The following PTPRT variants were observed in gnomAD, a reference collection of about 807,000 sequenced individuals.
The protein encoded by PTPRT is protein tyrosine phosphatase receptor type T, also known as receptor-type tyrosine-protein phosphatase T.
A neutral mutation model predicts 176.8 loss-of-function variants in PTPRT; 56 were observed. The observed-to-expected ratio is 0.32, with a 90% CI of 0.26 to 0.40. PTPRT has a LOEUF of 0.40. Ranked by LOEUF, PTPRT falls within the 10% of genes least tolerant of loss-of-function variation. The probability of loss-of-function intolerance (pLI) is 1.00; values close to 1 mark genes in which losing one functional copy is unlikely to be tolerated. For synonymous variants in PTPRT, 783 were observed against 739.0 expected (o/e 1.06, Z -0.96); for missense variants, 1,540 against 1,908.2 (o/e 0.81, Z 3.60).
intron 16 of PTPRT, among the ~76,000 whole-genome samples, chr20:42,171,117 G>A (rs552401368): frequency 1.4e-4 from 22 of 152,240 alleles, no homozygotes; most frequent in Admixed American, 4.6e-4. Context: ...TTTCATTTGC[G>A]AAGCTACAGA....
intron 7 of PTPRT, among the ~76,000 whole-genome samples, chr20:42,611,628 G>T (rs534991114): frequency 6.4e-4 from 98 of 152,276 alleles, no homozygotes; most frequent in Non-Finnish European, 1.1e-3. Context: ...TGTGTTCCAC[G>T]TGTGACTCAT....
intron 1 of PTPRT, among the ~76,000 whole-genome samples, chr20:42,964,557 T>C (rs1339140785): frequency 1.3e-5 from 2 of 152,136 alleles, no homozygotes; most frequent in African/African-American, 2.4e-5. Context: ...AGTTTGAGAA[T>C]TTAATACAAC....
At chr20:42,505,286 C>G (rs1053103090) in intron 7 of PTPRT, among the ~76,000 whole-genome samples, 1 of 152,104 alleles carries the variant, frequency 6.6e-6, no homozygotes, top group African/African-American at 2.4e-5. Flanking sequence ...AAGTTCAGAG[C>G]TACTCCTGTC....
intron 7 of PTPRT, among the ~76,000 whole-genome samples, chr20:42,601,253 G>C (rs7274201): frequency 0.25 from 38,025 of 152,110 alleles, 5,140 homozygotes; most frequent in Non-Finnish European, 0.3. Flanking sequence ...CTTCTCTGCT[G>C]CATCTCCAAC....
chr20:43,022,628 C>G (rs1342113956), intron 1 of PTPRT, among the ~76,000 whole-genome samples: 2 of 152,130 alleles, frequency 1.3e-5, no homozygotes, highest in Non-Finnish European at 2.9e-5. Context: ...AGAGGAGAGT[C>G]TCTCCCAGAA....
At chr20:42,339,449 A>G (rs1027698174) in intron 11 of PTPRT, among the ~76,000 whole-genome samples, 4 of 152,208 alleles carry the variant, frequency 2.6e-5, no homozygotes, top group African/African-American at 9.6e-5. Context: ...TGAGAGATCC[A>G]AAAGCTGTAA....
intron 7 of PTPRT, among the ~76,000 whole-genome samples, chr20:42,648,176 T>C (rs1600544512): frequency 1.3e-5 from 2 of 152,106 alleles, no homozygotes; most frequent in African/African-American, 4.8e-5. Context: ...TTATTGGCTG[T>C]CATATTGAAG....
chr20:42,620,857 A>G (rs1017483733), intron 7 of PTPRT, among the ~76,000 whole-genome samples: 8 of 152,134 alleles, frequency 5.3e-5, no homozygotes, highest in Non-Finnish European at 8.8e-5. Context: ...CCCTAGTGAG[A>G]TAAACCCGGT....
intron 6 of PTPRT, among the ~76,000 whole-genome samples, chr20:42,747,295 A>G (rs1211466460): frequency 6.6e-6 from 1 of 152,018 alleles, no homozygotes; most frequent in African/African-American, 2.4e-5. Context: ...GGACCTGAGC[A>G]CTCTTCCCTG....
intron 9 of PTPRT, among the ~76,000 whole-genome samples, chr20:42,374,914 A>G (rs1352079939): frequency 1.3e-5 from 2 of 152,214 alleles, no homozygotes; most frequent in Non-Finnish European, 2.9e-5. Flanking sequence ...AGCAAAACAA[A>G]ACCAATAACC....
At chr20:42,833,460 T>C (rs1043861859) in intron 2 of PTPRT, among the ~76,000 whole-genome samples, 1 of 151,536 alleles carries the variant, frequency 6.6e-6, no homozygotes, top group Non-Finnish European at 1.5e-5. Context: ...GTGCCTATAG[T>C]CTCAGCTACT....
intron 6 of PTPRT, among the ~76,000 whole-genome samples, chr20:42,736,571 A>G (rs1004944292): frequency 2.0e-5 from 3 of 152,318 alleles, no homozygotes; most frequent in Middle Eastern, 3.4e-3. Context: ...TTTGCTATAC[A>G]TGTGTAGTTT....
At chr20:42,609,104 CCTT>C (rs1047295509) in intron 7 of PTPRT, among the ~76,000 whole-genome samples, 17 of 152,060 alleles carry the variant, frequency 1.1e-4, no homozygotes, top group African/African-American at 4.1e-4. Context: ...GACAGAGTCT[CCTT>C]CTGTCACCCA....
At chr20:42,497,606 G>A (rs1020971777) in intron 7 of PTPRT, among the ~76,000 whole-genome samples, 3 of 151,916 alleles carry the variant, frequency 2.0e-5, no homozygotes, top group South Asian at 2.1e-4. Flanking sequence ...TTTTTTAAAC[G>A]AAATCTTTTT....
chr20:42,895,734 A>T (rs557978864), intron 1 of PTPRT, among the ~76,000 whole-genome samples: 2 of 152,194 alleles, frequency 1.3e-5, no homozygotes, highest in Admixed American at 1.3e-4. Context: ...ACATGTCCCA[A>T]AATAGTATTC....
At position 42,120,430 on chromosome 20, in the gene PTPRT, A is replaced by C. The variant is rs994190654; in HGVS notation, c.2848-459T>G. Among the ~76,000 whole-genome samples the C allele has an allele frequency of 6.6e-5, 10 of 152,244 alleles. 1 individual carries two copies. The highest frequency in any genetic ancestry group is 2.4e-4 in the African/African-American group (10 of 41,474). ...CAATTGTTGACTTCTTCCATTAGTA[A>C]CAATTAGAAAAAGAAAATTGAGAAG... On this transcript the variant is annotated intron_variant, in intron 19 of 30. Coordinates refer to ENST00000373187, the MANE Select transcript of PTPRT (RefSeq NM_007050.6).
intron 9 of PTPRT, among the ~76,000 whole-genome samples, chr20:42,372,913 G>A (rs1337016138): frequency 6.6e-6 from 1 of 152,144 alleles, no homozygotes; most frequent in Non-Finnish European, 1.5e-5. Context: ...AAAAATTTCT[G>A]TTCTTTATAA....
At chr20:42,461,873 T>C (rs1370120050) in intron 8 of PTPRT, among the ~76,000 whole-genome samples, 1 of 149,646 alleles carries the variant, frequency 6.7e-6, no homozygotes, top group African/African-American at 2.4e-5. Context: ...TGTTTCTGGG[T>C]TTTTTTTTTA....
At chr20:42,767,231 G>C (rs781063888) in intron 5 of PTPRT, among the ~76,000 whole-genome samples, 47 of 152,150 alleles carry the variant, frequency 3.1e-4, no homozygotes, top group Non-Finnish European at 5.4e-4. Context: ...CAGTATGTCT[G>C]GGTGTGTCTG....
Sources: gnomAD v4.1 joint callset for allele counts (sites outside exome capture counted in the v4.1 genomes callset) on GRCh38, gnomAD v4.1.1 for gene constraint, MANE v1.5 for transcripts, NCBI Gene and HGNC (gene_info 2026-07-23, HGNC 2026-07-21) for gene names.